RERE: variants seen among roughly 807,000 people sequenced by gnomAD.
RERE encodes the protein arginine-glutamic acid dipeptide repeats protein.
A neutral mutation model predicts 146.1 loss-of-function variants in RERE; 40 were observed. The observed-to-expected ratio is 0.27, with a 90% CI of 0.21 to 0.36. The LOEUF (loss-of-function observed/expected upper bound fraction) is 0.36. Among genes scored for constraint, RERE ranks in the 10% least tolerant of loss-of-function variants. RERE has a pLI of 1.00. For missense variants in RERE, 1,933 were observed against 2,138.7 expected (o/e 0.90, Z 1.90); for synonymous variants, 1,003 against 866.0 (o/e 1.16, Z -2.78).
At chr1:8,648,147 T>C (rs1042338750) in intron 2 of RERE, among the ~76,000 whole-genome samples, 1 of 152,182 alleles carries the variant, frequency 6.6e-6, no homozygotes, top group East Asian at 1.9e-4. Context: ...CAAAGATTAG[T>C]TGTGGCTGTT....
intron 12 of RERE, among the ~76,000 whole-genome samples, chr1:8,402,186 G>T (rs778225975): frequency 6.6e-6 from 1 of 152,154 alleles, no homozygotes; most frequent in Non-Finnish European, 1.5e-5. Flanking sequence ...TAACTTCTAA[G>T]GCTAGGTCAG....
intron 12 of RERE, among the ~76,000 whole-genome samples, chr1:8,396,965 T>TCC (rs1643077031): frequency 6.6e-6 from 1 of 152,238 alleles, no homozygotes; most frequent in South Asian, 2.1e-4. Context: ...AAATGTGCTT[T>TCC]CCAGTCTACC....
At chr1:8,390,464 C>A (rs1055289744) in intron 12 of RERE, among the ~76,000 whole-genome samples, 24 of 152,280 alleles carry the variant, frequency 1.6e-4, no homozygotes, top group East Asian at 5.8e-4. Flanking sequence ...GTCCCATAGT[C>A]CGAACTGTAT....
chr1:8,568,979 C>T (rs1646185694), intron 4 of RERE, among the ~76,000 whole-genome samples: 1 of 152,102 alleles, frequency 6.6e-6, no homozygotes, highest in Non-Finnish European at 1.5e-5. Context: ...GTCAATTTGG[C>T]AAGACGAAAT....
intron 2 of RERE, among the ~76,000 whole-genome samples, chr1:8,630,819 T>A (rs1390175024): frequency 6.6e-6 from 1 of 152,210 alleles, no homozygotes; most frequent in Non-Finnish European, 1.5e-5. Flanking sequence ...GCCTTCCCAG[T>A]CCTTACCCTT....
At chr1:8,392,177 T>C (rs528155475) in intron 12 of RERE, among the ~76,000 whole-genome samples, 6 of 152,312 alleles carry the variant, frequency 3.9e-5, no homozygotes, top group East Asian at 1.9e-4. Flanking sequence ...TAATAACAAC[T>C]TGACTTACCT....
chr1:8,687,079 T>C (rs983379255), intron 1 of RERE, among the ~76,000 whole-genome samples: 2 of 152,206 alleles, frequency 1.3e-5, no homozygotes, highest in African/African-American at 4.8e-5. Flanking sequence ...CAGCAATAGC[T>C]GGCAGAGTAA....
intron 1 of RERE, among the ~76,000 whole-genome samples, chr1:8,676,117 A>T (rs1638835442): frequency 6.6e-6 from 1 of 152,236 alleles, no homozygotes; most frequent in Non-Finnish European, 1.5e-5. Context: ...TTAAATACCC[A>T]CAGTAAATTT....
intron 6 of RERE, among the ~76,000 whole-genome samples, chr1:8,541,889 G>T (rs983664075): frequency 6.6e-6 from 1 of 152,044 alleles, no homozygotes; most frequent in African/African-American, 2.4e-5. Flanking sequence ...AATATACAAG[G>T]AGTTTTCAAA....
chr1:8,569,937 A>G (rs562016623), intron 4 of RERE, among the ~76,000 whole-genome samples: 53 of 152,298 alleles, frequency 3.5e-4, no homozygotes, highest in African/African-American at 1.3e-3. Flanking sequence ...TTTTTACAGA[A>G]GGACCTCTCA....
At chr1:8,441,434 TACCAGGCA>T (rs1644247165) in intron 11 of RERE, among the ~76,000 whole-genome samples, 1 of 152,204 alleles carries the variant, frequency 6.6e-6, no homozygotes, top group African/African-American at 2.4e-5. Context: ...TCTGGAAGGC[TACCAGGCA>T]GCACTGCCCC....
intron 1 of RERE, among the ~76,000 whole-genome samples, chr1:8,784,688 G>A (rs1430945883): frequency 6.6e-6 from 1 of 152,030 alleles, no homozygotes; most frequent in Non-Finnish European, 1.5e-5. Flanking sequence ...AAGTGGTTAA[G>A]GAAAAGGGAA....
At position 8,465,935 on chromosome 1, in the gene RERE, T is replaced by C. The variant is rs1286255122; in HGVS notation, c.1193A>G (p.Glu398Gly). 6.2e-7 allele frequency: 1 copy of C among 1,614,104 alleles called. No homozygotes were observed. The highest frequency in any genetic ancestry group is 1.7e-5 in the Admixed American group (1 of 60,026). ...VPKLIEKCWT[E>G]DEVKRFVKGL... The stretch of plus-strand genomic sequence containing the variant: ...CTGGTTCCTGCTCACCACTTCGTCC[T>C]CGGTCCAGCACTTCTCGATGAGCTT... Residue 398 changes from glutamate to glycine, a missense_variant, in exon 11 of 23, where the codon GAG becomes GGG. Glu to Gly is a moderately conservative substitution (Grantham distance 98, BLOSUM62 -2). This residue lies in a region of RERE where 260 missense variants were observed against 378.4 expected (regional missense o/e 0.69). Coordinates refer to ENST00000400908, the MANE Select transcript of RERE (RefSeq NM_001042681.2).
intron 1 of RERE, among the ~76,000 whole-genome samples, chr1:8,780,104 CA>C (rs568834800): frequency 1.3e-5 from 2 of 151,654 alleles, no homozygotes; most frequent in South Asian, 2.1e-4. Context: ...GATTCTGTCT[CA>C]AAAAAAATGA....
intron 1 of RERE, among the ~76,000 whole-genome samples, chr1:8,678,801 T>C (rs1638901981): frequency 1.3e-5 from 2 of 152,066 alleles, no homozygotes; most frequent in African/African-American, 4.8e-5. Context: ...AAAGAAAAAA[T>C]GTAGAAATAA....
chr1:8,479,748 T>C (rs1644806045), intron 10 of RERE, among the ~76,000 whole-genome samples: 2 of 152,184 alleles, frequency 1.3e-5, no homozygotes, highest in African/African-American at 4.8e-5. Context: ...ATTTCTGGCT[T>C]CCAGAACTGT....
chr1:8,615,339 G>C (rs1204003592), intron 3 of RERE, among the ~76,000 whole-genome samples: 1 of 152,118 alleles, frequency 6.6e-6, no homozygotes, highest in African/African-American at 2.4e-5. Context: ...TAAAGTTCCA[G>C]AAAGACATTA....
intron 10 of RERE, among the ~76,000 whole-genome samples, chr1:8,468,892 G>A (rs1644641726): frequency 6.7e-6 from 1 of 148,704 alleles, no homozygotes; most frequent in Non-Finnish European, 1.5e-5. Flanking sequence ...GTGAAACCCT[G>A]CCTCCAATAA....
intron 12 of RERE, among the ~76,000 whole-genome samples, chr1:8,373,227 T>A (rs1441096207): frequency 6.6e-6 from 1 of 152,162 alleles, no homozygotes; most frequent in African/African-American, 2.4e-5. Flanking sequence ...ACAAATATTT[T>A]AACATGAATA....
Sources: gnomAD v4.1 joint callset for allele counts (sites outside exome capture counted in the v4.1 genomes callset) on GRCh38, gnomAD v4.1.1 for gene constraint, gnomAD v4.1.1 regional missense constraint, MANE v1.5 for transcripts, NCBI Gene and HGNC (gene_info 2026-07-23, HGNC 2026-07-21) for gene names.